FHIT: variants seen among roughly 807,000 people sequenced by gnomAD.
The protein encoded by FHIT is fragile histidine triad diadenosine triphosphatase.
Under a neutral mutation model 17.9 loss-of-function variants are expected in FHIT, and 19 were observed. The ratio of observed to expected loss-of-function variants is 1.06; its 90% CI spans 0.74 to 1.56. FHIT has a LOEUF of 1.56. FHIT is among the 40% of genes most tolerant of loss of function. FHIT has a pLI of 0.00. For missense variants in FHIT, 248 were observed against 189.2 expected (o/e 1.31, Z -1.82); for synonymous variants, 81 against 69.7 (o/e 1.16, Z -0.81).
chr3:61,018,153 A>G (rs2032217349), intron 3 of FHIT, among the ~76,000 whole-genome samples: 1 of 152,210 alleles, frequency 6.6e-6, no homozygotes, highest in African/African-American at 2.4e-5. Flanking sequence ...AGATAGTCAA[A>G]CACGATGATA....
chr3:60,402,871 G>A (rs1701715734), intron 5 of FHIT, among the ~76,000 whole-genome samples: 1 of 152,148 alleles, frequency 6.6e-6, no homozygotes, highest in Admixed American at 6.5e-5. Flanking sequence ...TAAAAAGAAT[G>A]CCTTAATAGC....
At chr3:61,123,146 A>T (rs2036508112) in intron 2 of FHIT, among the ~76,000 whole-genome samples, 1 of 152,214 alleles carries the variant, frequency 6.6e-6, no homozygotes, top group Admixed American at 6.5e-5. Context: ...TGTGGCACAT[A>T]TACACCATGG....
intron 2 of FHIT, among the ~76,000 whole-genome samples, chr3:61,125,857 T>C (rs2036590385): frequency 6.6e-6 from 1 of 152,216 alleles, no homozygotes; most frequent in South Asian, 2.1e-4. Context: ...CAATATTGAA[T>C]ATTTCTGGAG....
chr3:60,371,699 T>TA (rs925015879), intron 5 of FHIT, among the ~76,000 whole-genome samples: 3 of 152,280 alleles, frequency 2.0e-5, no homozygotes, highest in East Asian at 1.9e-4. Context: ...AAAGCACATT[T>TA]AAAAAATACC....
At chr3:61,234,107 T>C (rs1441517239) in intron 1 of FHIT, among the ~76,000 whole-genome samples, 3 of 152,180 alleles carry the variant, frequency 2.0e-5, no homozygotes, top group Admixed American at 6.5e-5. Flanking sequence ...ATGTGGTTAA[T>C]TGCCCCACTA....
At chr3:60,095,114 G>A (rs1442750203) in intron 5 of FHIT, among the ~76,000 whole-genome samples, 1 of 152,154 alleles carries the variant, frequency 6.6e-6, no homozygotes, top group Non-Finnish European at 1.5e-5. Context: ...GAAGCAGGAA[G>A]TAAAAAGCTG....
At chr3:60,321,791 G>A (rs1468618211) in intron 5 of FHIT, among the ~76,000 whole-genome samples, 2 of 152,208 alleles carry the variant, frequency 1.3e-5, no homozygotes, top group South Asian at 2.1e-4. Context: ...GGCAGCTTCA[G>A]AGCCTGGTGA....
intron 5 of FHIT, among the ~76,000 whole-genome samples, chr3:60,070,767 C>T (rs957453784): frequency 6.6e-5 from 10 of 152,174 alleles, no homozygotes; most frequent in Admixed American, 4.6e-4. Context: ...AATGAGGTTG[C>T]CTGGGTTTTC....
intron 5 of FHIT, among the ~76,000 whole-genome samples, chr3:60,121,709 A>AACAAAACAAACACACAC (rs1705261038): frequency 1.6e-4 from 19 of 116,334 alleles, no homozygotes; most frequent in African/African-American, 5.7e-4. Context: ...AAACAAAACA[A>AACAAAACAAACACACAC]ACACACACAC....
chr3:60,568,547 T>A (rs1238346302), intron 4 of FHIT, among the ~76,000 whole-genome samples: 1 of 152,032 alleles, frequency 6.6e-6, no homozygotes, highest in African/African-American at 2.4e-5. Flanking sequence ...ACATGGCACA[T>A]GTATACATAT....
chr3:60,737,617 T>C lies in FHIT; in HGVS notation c.-18+84302A>G, dbSNP rs112641406. Among the ~76,000 whole-genome samples the C allele has an allele frequency of 5.7e-3, 872 of 152,334 alleles. 11 individuals carry two copies. Among genetic ancestry groups the C allele is most frequent in the African/African-American group, 0.02 (819 of 41,574 alleles). On this transcript the variant is annotated intron_variant, in intron 4 of 9. Transcript: ENST00000492590. ...TCAGAGTGGAAGGATGATAACATTGTATTTCAGCTGCATCGTATGGTGCAA... is the reference window on the plus strand; with the variant it reads ...TCAGAGTGGAAGGATGATAACATTGCATTTCAGCTGCATCGTATGGTGCAA...
chr3:60,989,420 G>C lies in FHIT; in HGVS notation c.-111+52627C>G, dbSNP rs1020962726. Among the ~76,000 whole-genome samples, 5 of 152,020 alleles carry C rather than the reference G, an allele frequency of 3.3e-5. No individual in the cohort carries two copies. The East Asian group carries it at 9.6e-4, about 29-fold the overall frequency. On this transcript the variant is annotated intron_variant, in intron 3 of 9. Transcript: ENST00000492590. ...GATCCTCCCACCTCAGCCTCTGAAA[G>C]TCTTTTAAGATATCATATTACGGAA...
chr3:61,159,903 A>G (rs1576125037), intron 2 of FHIT, among the ~76,000 whole-genome samples: 1 of 152,214 alleles, frequency 6.6e-6, no homozygotes, highest in East Asian at 1.9e-4. Flanking sequence ...CTATGTGCAC[A>G]TGCCTCTTTC....
At chr3:60,911,532 C>T (rs1179550029) in intron 3 of FHIT, among the ~76,000 whole-genome samples, 1 of 152,100 alleles carries the variant, frequency 6.6e-6, no homozygotes, top group Admixed American at 6.6e-5. Context: ...TCCTTTAAAC[C>T]CAGATCATTC....
chr3:59,935,017 T>C (rs572462371), intron 7 of FHIT, among the ~76,000 whole-genome samples: 3 of 152,270 alleles, frequency 2.0e-5, no homozygotes, highest in African/African-American at 7.2e-5. Context: ...ACTCCAGATG[T>C]AGGGCTCTCA....
chr3:60,006,672 A>C (rs1370158438), intron 7 of FHIT, among the ~76,000 whole-genome samples: 1 of 151,974 alleles, frequency 6.6e-6, no homozygotes, highest in Non-Finnish European at 1.5e-5. Context: ...AAAAACAAGG[A>C]AATTGATGTT....
intron 3 of FHIT, among the ~76,000 whole-genome samples, chr3:60,867,393 GAC>G (rs2107041239): frequency 6.6e-6 from 1 of 152,274 alleles, no homozygotes; most frequent in Non-Finnish European, 1.5e-5. Context: ...ACATATCAAA[GAC>G]AGTGAAGGCT....
At chr3:61,153,872 A>T (rs1299241500) in intron 2 of FHIT, among the ~76,000 whole-genome samples, 1 of 152,168 alleles carries the variant, frequency 6.6e-6, no homozygotes, top group Non-Finnish European at 1.5e-5. Context: ...GCAAGTCTTG[A>T]TATTATTTTG....
At chr3:60,494,556 G>T (rs959810897) in intron 5 of FHIT, among the ~76,000 whole-genome samples, 22 of 151,888 alleles carry the variant, frequency 1.4e-4, no homozygotes, top group African/African-American at 4.6e-4. Flanking sequence ...CAAATACTAG[G>T]TCTTATTCAT....
Sources: gnomAD v4.1 joint callset for allele counts (sites outside exome capture counted in the v4.1 genomes callset) on GRCh38, gnomAD v4.1.1 for gene constraint, MANE v1.5 for transcripts, NCBI Gene and HGNC (gene_info 2026-07-23, HGNC 2026-07-21) for gene names.